The following IQCM variants were observed in gnomAD, a reference collection of about 807,000 sequenced individuals.
IQCM encodes the protein IQ motif containing M, also known as IQ domain-containing protein M.
Under a neutral mutation model 57.6 loss-of-function variants are expected in IQCM, and 45 were observed. The ratio of observed to expected loss-of-function variants is 0.78; its 90% CI spans 0.62 to 1.00. The LOEUF (loss-of-function observed/expected upper bound fraction) is 1.00. Among genes scored for constraint, IQCM ranks in the 50% least tolerant of loss-of-function variants. The pLI is 0.00. For missense variants in IQCM, 468 were observed against 511.6 expected (o/e 0.91, Z 0.82); for synonymous variants, 148 against 158.9 (o/e 0.93, Z 0.51).
chr4:149,455,140 T>C (rs1374658372), intron 12 of IQCM, among the ~76,000 whole-genome samples: 4 of 152,126 alleles, frequency 2.6e-5, no homozygotes, highest in African/African-American at 9.7e-5. Flanking sequence ...GATACGTTTA[T>C]TAGATGTAAC....
chr4:149,703,721 C>T (rs1763941225), intron 5 of IQCM, among the ~76,000 whole-genome samples: 1 of 151,808 alleles, frequency 6.6e-6, no homozygotes, highest in African/African-American at 2.4e-5. Flanking sequence ...TTTATTTTAA[C>T]AATATGTAGA....
intron 12 of IQCM, among the ~76,000 whole-genome samples, chr4:149,524,845 T>C (rs1254180979): frequency 6.6e-6 from 1 of 151,572 alleles, no homozygotes; most frequent in Non-Finnish European, 1.5e-5. Flanking sequence ...AAATAAATTA[T>C]GAGAACATGA....
chr4:149,489,363 T>A (rs2149771247), intron 12 of IQCM, among the ~76,000 whole-genome samples: 1 of 152,242 alleles, frequency 6.6e-6, no homozygotes, highest in East Asian at 1.9e-4. Flanking sequence ...AATAATTTGC[T>A]TAAAAAGCAA....
Position 149,672,310 on chromosome 4 carries a change from G to A in IQCM, c.565+9808C>T, listed in dbSNP as rs189331866. Among the ~76,000 whole-genome samples, 13 of 152,000 alleles carry A rather than the reference G, an allele frequency of 8.6e-5. No homozygotes were observed. In the East Asian group the frequency reaches 9.7e-4, roughly 11 times the overall value. ...TGTGAGAAGAAGGCTTCAGACGATCGGTAATAACAAACTTCTCCAAGCTAA... is the reference window on the plus strand; with the variant it reads ...TGTGAGAAGAAGGCTTCAGACGATCAGTAATAACAAACTTCTCCAAGCTAA... On this transcript the variant is annotated intron_variant, in intron 7 of 13. Coordinates refer to ENST00000636793, the MANE Select transcript of IQCM (RefSeq NM_001363507.2).
intron 2 of IQCM, among the ~76,000 whole-genome samples, chr4:149,796,478 T>G (rs1773129117): frequency 6.6e-6 from 1 of 152,138 alleles, no homozygotes; most frequent in Non-Finnish European, 1.5e-5. Flanking sequence ...GCCAGAAACC[T>G]GGGGAACCTG....
intron 7 of IQCM, among the ~76,000 whole-genome samples, chr4:149,638,139 A>T (rs903342814): frequency 1.3e-5 from 2 of 152,210 alleles, no homozygotes; most frequent in Non-Finnish European, 2.9e-5. Flanking sequence ...GATTATTCAC[A>T]ATAGAAAATA....
chr4:149,473,161 G>T (rs1739774596), intron 12 of IQCM, among the ~76,000 whole-genome samples: 1 of 152,134 alleles, frequency 6.6e-6, no homozygotes, highest in Non-Finnish European at 1.5e-5. Flanking sequence ...CACAGCAAAA[G>T]AAACTACCAT....
chr4:149,377,963 T>G (rs1730808257), intron 13 of IQCM, among the ~76,000 whole-genome samples: 1 of 152,110 alleles, frequency 6.6e-6, no homozygotes, highest in South Asian at 2.1e-4. Flanking sequence ...CCTCGTGTTG[T>G]GGGAGGGACC....
chr4:149,813,244 C>T (rs542996957), intron 2 of IQCM, among the ~76,000 whole-genome samples: 49 of 152,118 alleles, frequency 3.2e-4, no homozygotes, highest in Admixed American at 1.7e-3. Context: ...TCAGATCTAT[C>T]GTCTGAAAGA....
intron 2 of IQCM, among the ~76,000 whole-genome samples, chr4:149,772,121 T>C (rs6823571): frequency 0.5 from 76,302 of 151,964 alleles, 22,598 homozygotes; most frequent in African/African-American, 0.81. Context: ...TTCAAGAAAT[T>C]TCTGCAAATA....
intron 2 of IQCM, among the ~76,000 whole-genome samples, chr4:149,779,091 A>C (rs1771367456): frequency 1.3e-5 from 2 of 152,204 alleles, no homozygotes; most frequent in Admixed American, 6.5e-5. Flanking sequence ...AAATAGAAGG[A>C]AATAAAATTC....
intron 2 of IQCM, among the ~76,000 whole-genome samples, chr4:149,751,437 C>A (rs1768427561): frequency 6.6e-6 from 1 of 152,152 alleles, no homozygotes; most frequent in Non-Finnish European, 1.5e-5. Flanking sequence ...TAATCAAGGG[C>A]CTTAGGCCTT....
intron 12 of IQCM, among the ~76,000 whole-genome samples, chr4:149,543,725 A>C (rs1216882162): frequency 2.1e-5 from 3 of 144,008 alleles, no homozygotes; most frequent in Non-Finnish European, 3.0e-5. Context: ...TAAAACTTAA[A>C]GTATAATAAT....
At chr4:149,744,033 A>G (rs903835728) in intron 2 of IQCM, among the ~76,000 whole-genome samples, 2 of 152,186 alleles carry the variant, frequency 1.3e-5, no homozygotes, top group African/African-American at 4.8e-5. Flanking sequence ...TTTGGTAATT[A>G]TTTCAGTAAA....
intron 12 of IQCM, among the ~76,000 whole-genome samples, chr4:149,523,012 C>CTCATGAT (rs1319122468): frequency 1.3e-5 from 2 of 152,074 alleles, no homozygotes; most frequent in African/African-American, 2.4e-5. Context: ...ATATTTATTT[C>CTCATGAT]TCATGATTCT....
intron 13 of IQCM, among the ~76,000 whole-genome samples, chr4:149,397,698 T>TA (rs1369711802): frequency 6.6e-6 from 1 of 152,060 alleles, no homozygotes; most frequent in Non-Finnish European, 1.5e-5. Flanking sequence ...AACAATTTTT[T>TA]AGTCTTTTTT....
At position 149,592,014 on chromosome 4, in the gene IQCM, T is replaced by C. The variant is rs1048172144; in HGVS notation, c.682-4017A>G. On this transcript the variant is annotated intron_variant, in intron 8 of 13. Transcript: ENST00000636793. ...AATGGTATTTCCAGTTCTAGATCTTTGAGGAATCGCCACACATTGTCTTCC... is the reference window on the plus strand; with the variant it reads ...AATGGTATTTCCAGTTCTAGATCTTCGAGGAATCGCCACACATTGTCTTCC... Among the ~76,000 whole-genome samples the C allele has an allele frequency of 3.9e-5, 6 of 152,152 alleles. No homozygotes were observed. In the East Asian group the frequency reaches 9.7e-4, roughly 25 times the overall value.
intron 13 of IQCM, among the ~76,000 whole-genome samples, chr4:149,379,901 C>G (rs1730958578): frequency 6.6e-6 from 1 of 152,058 alleles, no homozygotes; most frequent in African/African-American, 2.4e-5. Flanking sequence ...GTGGGAGGGA[C>G]CAAGTGGGAG....
chr4:149,757,016 TG>T (rs1290426598), intron 2 of IQCM, among the ~76,000 whole-genome samples: 1 of 152,174 alleles, frequency 6.6e-6, no homozygotes, highest in Non-Finnish European at 1.5e-5. Flanking sequence ...CCCAGCACTT[TG>T]GGAGGCCAAG....
Sources: gnomAD v4.1 joint callset for allele counts (sites outside exome capture counted in the v4.1 genomes callset) on GRCh38, gnomAD v4.1.1 for gene constraint, MANE v1.5 for transcripts, NCBI Gene and HGNC (gene_info 2026-07-23, HGNC 2026-07-21) for gene names.